MARCHF10: variants seen among roughly 807,000 people sequenced by gnomAD.
The protein encoded by MARCHF10 is membrane associated ring-CH-type finger 10, also known as probable E3 ubiquitin-protein ligase MARCHF10.
MARCHF10 carries 64 observed loss-of-function variants against 76.2 expected under a neutral mutation model. The ratio of observed to expected loss-of-function variants is 0.84; its 90% confidence interval spans 0.69 to 1.03. The LOEUF (loss-of-function observed/expected upper bound fraction) is 1.03, where lower values mean the gene tolerates loss of function less well. MARCHF10 is among the 50% of genes least tolerant of loss of function. The probability of loss-of-function intolerance (pLI) is 0.00; values close to 1 mark genes in which losing one functional copy is unlikely to be tolerated. For missense variants in MARCHF10, 875 were observed against 958.0 expected, an observed-to-expected ratio of 0.91 and a Z score of 1.14; for synonymous variants, 340 against 357.5, an observed-to-expected ratio of 0.95 and a Z score of 0.55.
intron 3 of MARCHF10, among the ~76,000 whole-genome samples, chr17:62,777,369 C>T (rs568322433): frequency 1.3e-5 from 2 of 152,300 alleles, no homozygotes; most frequent in African/African-American, 4.8e-5. Flanking sequence ...TGGCAATGAC[C>T]TAACGACCCA....
intron 6 of MARCHF10, among the ~76,000 whole-genome samples, chr17:62,733,302 AT>A (rs1054622044): frequency 6.6e-6 from 1 of 152,160 alleles, no homozygotes; most frequent in Admixed American, 6.6e-5. Context: ...CTACAAAAAA[AT>A]AAAGACATCA....
intron 8 of MARCHF10, among the ~76,000 whole-genome samples, chr17:62,721,173 T>C (rs2147688772): frequency 6.6e-6 from 1 of 152,246 alleles, no homozygotes; most frequent in East Asian, 1.9e-4. Context: ...TTTCCAATTT[T>C]AGGGGCAGTG....
intron 3 of MARCHF10, among the ~76,000 whole-genome samples, chr17:62,763,749 C>G (rs1219457552): frequency 6.6e-6 from 1 of 152,156 alleles, no homozygotes; most frequent in African/African-American, 2.4e-5. Context: ...ACCCAACCTA[C>G]GTGACACTTA....
chr17:62,801,655 A>G lies in MARCHF10; in HGVS notation c.81T>C (p.Ser27=). 3 of 1,613,958 alleles carry G rather than the reference A, an allele frequency of 1.9e-6. No homozygotes were observed. The South Asian group carries it at 3.3e-5, about 18-fold the overall frequency. ...TGCTTTCTGCAATTACCTGATACTC[A>G]GAGTCCACCTTATGCTGCATGTCCC... ...YLRDMQHKVD[S]EYQACLRRQE... Residue 27 remains serine (S), a synonymous_variant, in exon 2 of 11, where the codon TCT becomes TCC. Coordinates refer to ENST00000311269, the MANE Select transcript of MARCHF10 (RefSeq NM_152598.4).
chr17:62,770,820 C>T (rs1263303011), intron 3 of MARCHF10, among the ~76,000 whole-genome samples: 3 of 148,214 alleles, frequency 2.0e-5, no homozygotes, highest in Admixed American at 6.8e-5. Flanking sequence ...GGATTACAGG[C>T]GTGAGCCACC....
Position 62,736,167 on chromosome 17 carries a change from C to A in MARCHF10, c.1701G>T (p.Gln567His), listed in dbSNP as rs1371784199. ...AAGAATCCACTAAGGACAAATTGCC[C>A]TGTGGATTTAGTAAGAGATCTGTAT... ...PLYTDLLLNP[Q>H]GNLSLVDSSS... The change falls in exon 6 of 11, where the codon CAG (glutamine) becomes CAT (histidine). Residue 567 changes from glutamine (Q) to histidine (H), a missense_variant. Coordinates refer to ENST00000311269, the MANE Select transcript of MARCHF10 (RefSeq NM_152598.4). The A allele has an allele frequency of 6.2e-7, 1 of 1,614,036 alleles. No individual in the cohort carries two copies.
At chr17:62,761,288 T>A (rs1210392964) in intron 3 of MARCHF10, among the ~76,000 whole-genome samples, 1 of 152,208 alleles carries the variant, frequency 6.6e-6, no homozygotes, top group African/African-American at 2.4e-5. Context: ...CACCCTCAGA[T>A]AAAAGAACCA....
chr17:62,734,149 G>A (rs796564678), intron 6 of MARCHF10, among the ~76,000 whole-genome samples: 26 of 151,862 alleles, frequency 1.7e-4, no homozygotes, highest in African/African-American at 4.3e-4. Flanking sequence ...ATGCCACTGC[G>A]CTCCAGCCTG....
At chr17:62,752,906 G>A (rs1196747602) in intron 4 of MARCHF10, among the ~76,000 whole-genome samples, 1 of 152,068 alleles carries the variant, frequency 6.6e-6, no homozygotes, top group Admixed American at 6.6e-5. Context: ...CCATGCTGCA[G>A]TCAGAGTCAG....
chr17:62,720,601 T>TA (rs2090432113), intron 8 of MARCHF10, among the ~76,000 whole-genome samples: 1 of 137,386 alleles, frequency 7.3e-6, no homozygotes, highest in African/African-American at 2.5e-5. Flanking sequence ...ACCAAAATGG[T>TA]TACTTTCCCC....
chr17:62,717,097 A>G (rs1382143289), intron 8 of MARCHF10, among the ~76,000 whole-genome samples: 1 of 152,262 alleles, frequency 6.6e-6, no homozygotes, highest in African/African-American at 2.4e-5. Context: ...CTTTGTGTTC[A>G]ACAACAGTTG....
At chr17:62,803,499 G>C (rs2093111842) in intron 1 of MARCHF10, among the ~76,000 whole-genome samples, 1 of 152,046 alleles carries the variant, frequency 6.6e-6, no homozygotes, top group Admixed American at 6.6e-5. Context: ...ACAGTGGGGA[G>C]GGAGAGGGGA....
rs2091350458 is a variant in MARCHF10, at chr17:62,738,011, C to G, written c.536-679G>C. The G allele has an allele frequency of 6.6e-6, 1 of 152,256 alleles. No homozygotes were observed. Among genetic ancestry groups the G allele is most frequent in the African/African-American group, 2.4e-5 (1 of 41,180 alleles). 9.4% of individuals were successfully genotyped at this position (152,256 alleles called of 1,614,324 possible). ...CCTACTATGAATTCCTACACAGAAT[C>G]ACTGAACTGGCCAGAAGCATGCTAA... On this transcript the variant is annotated intron_variant, in intron 5 of 10. Coordinates refer to ENST00000311269, the MANE Select transcript of MARCHF10 (RefSeq NM_152598.4). The surrounding 1 kb of genome is among the most constrained non-coding windows in gnomAD (Gnocchi z 4.0).
At chr17:62,720,619 T>TG (rs2090434505) in intron 8 of MARCHF10, among the ~76,000 whole-genome samples, 1 of 152,204 alleles carries the variant, frequency 6.6e-6, no homozygotes, top group Admixed American at 6.5e-5. Context: ...CCCCTCCCCC[T>TG]GCTGGAAGCA....
intron 2 of MARCHF10, among the ~76,000 whole-genome samples, chr17:62,792,550 C>CCATCTCCATCACCACCACCACCTG (rs2092864514): frequency 6.7e-6 from 1 of 149,090 alleles, no homozygotes. Context: ...ACCACCTGCA[C>CCATCTCCATCACCACCACCACCTG]CACCACCACC....
chr17:62,800,466 G>C (rs573231927), intron 2 of MARCHF10, among the ~76,000 whole-genome samples: 2 of 152,242 alleles, frequency 1.3e-5, no homozygotes, highest in African/African-American at 4.8e-5. Context: ...TCTTATACGT[G>C]GGTTGGCACG....
intron 3 of MARCHF10, among the ~76,000 whole-genome samples, chr17:62,764,372 G>A (rs919959470): frequency 2.0e-5 from 3 of 152,156 alleles, no homozygotes; most frequent in African/African-American, 4.8e-5. Context: ...CATCTTTGCC[G>A]TGAGTCACGT....
At chr17:62,716,035 G>A (rs2090177031) in intron 8 of MARCHF10, among the ~76,000 whole-genome samples, 3 of 152,154 alleles carry the variant, frequency 2.0e-5, no homozygotes, top group African/African-American at 4.8e-5. Context: ...TCCAAGGCCC[G>A]GTTGATAGAA....
intron 9 of MARCHF10, among the ~76,000 whole-genome samples, chr17:62,710,677 A>T (rs113370915): frequency 0.054 from 8,148 of 150,604 alleles, 354 homozygotes; most frequent in African/African-American, 0.12. Flanking sequence ...TCCTGCCTCA[A>T]CCTCCCAAGT....
Sources: gnomAD v4.1 joint callset for allele counts (sites outside exome capture counted in the v4.1 genomes callset) on GRCh38, gnomAD v4.1.1 for gene constraint, Gnocchi (gnomAD v3.1) non-coding constraint, MANE v1.5 for transcripts, NCBI Gene and HGNC (gene_info 2026-07-23, HGNC 2026-07-21) for gene names.